Variants in CLIP1 observed in about 807,000 individuals in gnomAD.
The protein encoded by CLIP1 is CAP-Gly domain-containing linker protein 1.
CLIP1 carries 66 observed loss-of-function variants against 161.6 expected under a neutral mutation model. That is an observed-to-expected ratio of 0.41 (90% CI 0.33 to 0.50). The LOEUF (loss-of-function observed/expected upper bound fraction) is 0.50, where lower values mean the gene tolerates loss of function less well. Among genes scored for constraint, CLIP1 ranks in the 20% least tolerant of loss-of-function variants. CLIP1 has a pLI of 0.27. For synonymous variants in CLIP1, 598 were observed against 626.2 expected, an observed-to-expected ratio of 0.96 and a Z score of 0.67; for missense variants, 1,376 against 1,702.0, an observed-to-expected ratio of 0.81 and a Z score of 3.37.
At chr12:122,333,206 G>A in intron 14 of CLIP1, 63 bp from the exon 15 acceptor site, 4 of 1,224,462 alleles carry the variant, frequency 3.3e-6, no homozygotes, top group Non-Finnish European at 4.6e-6. Flanking sequence ...CTGACTGAGT[G>A]TATTCTTGCT....
At chr12:122,343,812 T>C (rs748669820) in intron 10 of CLIP1, 5 of 152,194 alleles carry the variant, frequency 3.3e-5, no homozygotes, top group South Asian at 4.1e-4. Flanking sequence ...ATTTAGTACA[T>C]AGGATGTGTG....
intron 3 of CLIP1, among the ~76,000 whole-genome samples, chr12:122,373,365 G>A (rs1954550094): frequency 6.6e-6 from 1 of 151,768 alleles, no homozygotes; most frequent in South Asian, 2.1e-4. Context: ...AGAGGTTGCA[G>A]TGAGCCAAGA....
chr12:122,356,133 T>C (rs1167037010), intron 5 of CLIP1: 2 of 152,212 alleles, frequency 1.3e-5, no homozygotes. Context: ...GAAACTCCTG[T>C]TGTCTTTTTT....
chr12:122,387,590 A>ATTTT lies in CLIP1; in HGVS notation c.-106-7036_-106-7033dup, dbSNP rs139790813. Among the ~76,000 whole-genome samples, 24 of 6,256 alleles carry ATTTT rather than the reference A, an allele frequency of 3.8e-3. 1 individual carries two copies. The highest frequency in any genetic ancestry group is 0.029 in the East Asian group (5 of 174). 4.1% of individuals were successfully genotyped at this position (6,256 alleles called of 152,430 possible). A position where few individuals can be genotyped will look rare whatever the true frequency, so the allele number is the denominator to read the frequency against. On this transcript the variant is annotated intron_variant, in intron 1 of 25. Coordinates refer to ENST00000620786, the MANE Select transcript of CLIP1 (RefSeq NM_001247997.2). The stretch of plus-strand genomic sequence containing the variant: ...TATATATATATATATATATATATAT[A>ATTTT]TTTTTTTTTTTTTTTTTTTTTTTTT...
intron 3 of CLIP1, among the ~76,000 whole-genome samples, chr12:122,371,567 T>C (rs1483242693): frequency 6.6e-6 from 1 of 152,080 alleles, no homozygotes; most frequent in Non-Finnish European, 1.5e-5. Flanking sequence ...TCTGTAATTG[T>C]GCAAAGAATA....
chr12:122,304,873 C>T (rs1010453935), intron 20 of CLIP1, among the ~76,000 whole-genome samples: 3 of 152,190 alleles, frequency 2.0e-5, no homozygotes, highest in Non-Finnish European at 4.4e-5. Context: ...TTTTTCCAAA[C>T]TAATACACAA....
chr12:122,414,034 T>C (rs1008614359), intron 1 of CLIP1, among the ~76,000 whole-genome samples: 2 of 152,212 alleles, frequency 1.3e-5, no homozygotes, highest in East Asian at 1.9e-4. Context: ...GTTCCCTTGA[T>C]TGAAACCTGA....
intron 20 of CLIP1, among the ~76,000 whole-genome samples, chr12:122,306,097 T>G (rs1193402280): frequency 1.3e-5 from 2 of 150,120 alleles, no homozygotes; most frequent in Admixed American, 1.3e-4. Context: ...AAGACTAGAC[T>G]GGTTTAGCCT....
At chr12:122,392,202 C>G (rs944688149) in intron 1 of CLIP1, among the ~76,000 whole-genome samples, 2 of 152,064 alleles carry the variant, frequency 1.3e-5, no homozygotes, top group Non-Finnish European at 2.9e-5. Flanking sequence ...GCCCATGAGG[C>G]CAAGACTGCA....
intron 7 of CLIP1, 51 bp downstream of exon 7, chr12:122,354,400 CAA>C: frequency 1.1e-5 from 15 of 1,414,972 alleles, no homozygotes; most frequent in Middle Eastern, 2.0e-4. Context: ...GTCTCAAAAA[CAA>C]AAAAAAAGGG....
chr12:122,354,104 T>C (rs1477614610), intron 7 of CLIP1, among the ~76,000 whole-genome samples: 1 of 151,794 alleles, frequency 6.6e-6, no homozygotes, highest in Non-Finnish European at 1.5e-5. Flanking sequence ...TCATTGAAAA[T>C]GAAAAGGCTG....
chr12:122,339,189 C>T (rs1952377660), intron 11 of CLIP1, among the ~76,000 whole-genome samples: 1 of 152,212 alleles, frequency 6.6e-6, no homozygotes, highest in Non-Finnish European at 1.5e-5. Flanking sequence ...ACCACATGCA[C>T]ACTTGTTCAG....
intron 20 of CLIP1, among the ~76,000 whole-genome samples, chr12:122,301,874 A>G (rs1950694289): frequency 6.6e-6 from 1 of 152,106 alleles, no homozygotes; most frequent in South Asian, 2.1e-4. Context: ...ACTCACAAAC[A>G]CCACAGCTTC....
intron 1 of CLIP1, among the ~76,000 whole-genome samples, chr12:122,422,171 AG>A (rs1486430084): frequency 1.3e-5 from 2 of 151,852 alleles, no homozygotes; most frequent in East Asian, 3.9e-4. Flanking sequence ...GGCCCAGGAG[AG>A]GGAGCGGGGC....
At chr12:122,297,174 T>C (rs562245732) in intron 20 of CLIP1, among the ~76,000 whole-genome samples, 2 of 152,194 alleles carry the variant, frequency 1.3e-5, no homozygotes, top group Admixed American at 1.3e-4. Flanking sequence ...CAAGAGCTCA[T>C]GTATGCATAA....
At chr12:122,354,692 A>G in intron 6 of CLIP1, 136 bp from the exon 7 acceptor site, 1 of 640,092 alleles carries the variant, frequency 1.6e-6, no homozygotes, top group Non-Finnish European at 2.8e-6. Flanking sequence ...AGCTTTCTCT[A>G]TTTTAATAGG....
chr12:122,345,056 T>TA (rs76566149), intron 10 of CLIP1, among the ~76,000 whole-genome samples: 17,824 of 152,140 alleles, frequency 0.12, 1,431 homozygotes, highest in East Asian at 0.45. Flanking sequence ...TTACATGTTT[T>TA]AAAAAAATAT....
Position 122,410,985 on chromosome 12 carries a change from T to G in CLIP1, c.-107+11536A>C, listed in dbSNP as rs572071930. On this transcript the variant is annotated intron_variant, in intron 1 of 25. Transcript: ENST00000620786. ...AGGATTTGGACAAGCTGAACCTCATTCATTGCTGGTGGTACAACCACTTTG... is the reference window on the plus strand; with the variant it reads ...AGGATTTGGACAAGCTGAACCTCATGCATTGCTGGTGGTACAACCACTTTG... 2.0e-5 allele frequency among the ~76,000 whole-genome samples: 3 copies of G among 152,310 alleles called. No homozygotes were observed. In the South Asian group the frequency reaches 6.2e-4, roughly 32 times the overall value.
chr12:122,388,982 A>G (rs1955458649), intron 1 of CLIP1, among the ~76,000 whole-genome samples: 1 of 152,190 alleles, frequency 6.6e-6, no homozygotes, highest in Non-Finnish European at 1.5e-5. Flanking sequence ...TGACTTCCCC[A>G]ACACCTCTAC....
Sources: gnomAD v4.1 joint callset for allele counts (sites outside exome capture counted in the v4.1 genomes callset) on GRCh38, gnomAD v4.1.1 for gene constraint, MANE v1.5 for transcripts, NCBI Gene and HGNC (gene_info 2026-07-23, HGNC 2026-07-21) for gene names.